The following BMPR1A variants were observed in gnomAD, a reference collection of about 807,000 sequenced individuals.
BMPR1A encodes bone morphogenetic protein receptor type 1A.
In BMPR1A, 7 loss-of-function variants were observed where a neutral mutation model predicts 66.0. The observed-to-expected ratio is 0.11, with a 90% CI of 0.06 to 0.20. The LOEUF is 0.20. Ranked by LOEUF, BMPR1A falls within the 10% of genes least tolerant of loss-of-function variation. BMPR1A has a pLI of 1.00. For missense variants in BMPR1A, 408 were observed against 669.1 expected (o/e 0.61, Z 4.31); for synonymous variants, 200 against 229.7 (o/e 0.87, Z 1.17).
rs1750554356 is a variant in BMPR1A, at chr10:86,926,358, AAAAAT to A, written c.*2644_*2648del. ...AACATGGTGAAACCCCATCTCTACT[AAAAAT>A]AAAAAACTCAGCCAGGCGTGGTGGC... On this transcript the variant is annotated 3_prime_UTR_variant, in exon 13 of 13. Coordinates refer to ENST00000372037, the MANE Select transcript of BMPR1A (RefSeq NM_004329.3). 2 of 153,660 alleles carry A rather than the reference AAAAAT, an allele frequency of 1.3e-5. No individual in the cohort carries two copies. The highest frequency in any genetic ancestry group is 4.8e-5 in the African/African-American group (2 of 41,576). 9.5% of individuals were successfully genotyped at this position (153,660 alleles called of 1,614,324 possible). A position where few individuals can be genotyped will look rare whatever the true frequency, so the allele number is the denominator to read the frequency against.
At chr10:86,806,835 C>A (rs1841894915) in intron 1 of BMPR1A, among the ~76,000 whole-genome samples, 1 of 152,058 alleles carries the variant, frequency 6.6e-6, no homozygotes, top group South Asian at 2.1e-4. Context: ...CAGGCATGAG[C>A]CACTGTACCT....
chr10:86,883,728 C>T (rs1396942833), intron 3 of BMPR1A, among the ~76,000 whole-genome samples: 1 of 151,808 alleles, frequency 6.6e-6, no homozygotes, highest in African/African-American at 2.4e-5. Context: ...GGAGATCGTG[C>T]CATTGTACTC....
rs535411352 is a variant in BMPR1A at position 86,876,051 on chromosome 10, G to A, written c.33G>A (p.Leu11=). Residue 11 remains leucine (L), a synonymous_variant, in exon 3 of 13, where the codon TTG becomes TTA. Transcript: ENST00000372037. ...AGCTATACATTTACATCAGATTATTGGGAGCCTATTTGTTCATCATTTCTC... is the reference window on the plus strand; with the variant it reads ...AGCTATACATTTACATCAGATTATTAGGAGCCTATTTGTTCATCATTTCTC... The part of the protein sequence containing the change: MPQLYIYIRL[L]GAYLFIISRV... 26 of 1,611,838 alleles carry A rather than the reference G, an allele frequency of 1.6e-5. No individual in the cohort carries two copies. The Admixed American group carries it at 3.5e-4, about 22-fold the overall frequency.
intron 1 of BMPR1A, among the ~76,000 whole-genome samples, chr10:86,795,108 C>T (rs1197782242): frequency 1.3e-5 from 2 of 152,030 alleles, no homozygotes; most frequent in East Asian, 3.9e-4. Context: ...GCTTCTGCCT[C>T]CCAAAGTGCT....
chr10:86,869,185 G>A (rs965851963), intron 2 of BMPR1A, among the ~76,000 whole-genome samples: 3 of 152,118 alleles, frequency 2.0e-5, no homozygotes, highest in Admixed American at 2.0e-4. Flanking sequence ...GGCCAGGCAC[G>A]GTGGCTCACA....
At chr10:86,839,086 T>C (rs1842390713) in intron 2 of BMPR1A, 107 bp downstream of exon 2, 1 of 152,208 alleles carries the variant, frequency 6.6e-6, no homozygotes, top group South Asian at 2.1e-4. Context: ...TCAGTTTCTT[T>C]GTAACACCAC....
downstream of BMPR1A, chr10:86,929,665 G>T (rs2133665591): frequency 6.6e-6 from 1 of 152,334 alleles, no homozygotes; most frequent in African/African-American, 2.4e-5. Flanking sequence ...CTCTGATGCA[G>T]CCTGGTAAAG....
chr10:86,784,329 G>C (rs1037083541), intron 1 of BMPR1A, among the ~76,000 whole-genome samples: 6 of 152,086 alleles, frequency 3.9e-5, no homozygotes, highest in African/African-American at 1.4e-4. Context: ...AATTTTGTCA[G>C]ATGCTTTTTC....
chr10:86,860,079 C>T (rs745330925), intron 2 of BMPR1A, among the ~76,000 whole-genome samples: 41 of 152,184 alleles, frequency 2.7e-4, no homozygotes, highest in Non-Finnish European at 4.3e-4. Flanking sequence ...GAGGCCGAAG[C>T]AGTGCAATCT....
intron 3 of BMPR1A, among the ~76,000 whole-genome samples, chr10:86,885,731 T>C (rs1000712270): frequency 1.3e-5 from 2 of 152,334 alleles, no homozygotes; most frequent in South Asian, 2.1e-4. Context: ...TTATCTCATA[T>C]GTATAGTGCA....
chr10:86,912,411 A>G, intron 8 of BMPR1A, 27 bp downstream of exon 8: 2 of 1,613,246 alleles, frequency 1.2e-6, no homozygotes, highest in Non-Finnish European at 8.5e-7. Context: ...TATAGACATG[A>G]ATGGTGTGTT....
downstream of BMPR1A, chr10:86,929,561 A>C (rs1266616130): frequency 6.6e-6 from 1 of 152,210 alleles, no homozygotes; most frequent in Non-Finnish European, 1.5e-5. Context: ...ATTGTTCCTC[A>C]AAAGAAATGC....
chr10:86,772,387 C>T (rs1841279232), intron 1 of BMPR1A, among the ~76,000 whole-genome samples: 1 of 152,136 alleles, frequency 6.6e-6, no homozygotes, highest in African/African-American at 2.4e-5. Context: ...ACCTTGGTCT[C>T]CCAAAGTGCT....
intron 7 of BMPR1A, among the ~76,000 whole-genome samples, chr10:86,906,595 G>A (rs1198481025): frequency 1.2e-5 from 1 of 83,422 alleles, no homozygotes; most frequent in Non-Finnish European, 2.0e-5. Flanking sequence ...GTGGTGGCGG[G>A]CGCCTGTAGT....
intron 1 of BMPR1A, among the ~76,000 whole-genome samples, chr10:86,803,450 T>C (rs1032172463): frequency 2.0e-5 from 3 of 152,156 alleles, no homozygotes; most frequent in African/African-American, 7.2e-5. Context: ...ACTTAGACAT[T>C]TTTTTCCCCA....
At chr10:86,862,372 G>A (rs1309364321) in intron 2 of BMPR1A, among the ~76,000 whole-genome samples, 3 of 152,168 alleles carry the variant, frequency 2.0e-5, no homozygotes, top group Non-Finnish European at 2.9e-5. Flanking sequence ...GACTGTGAGC[G>A]GCAGGTGCAA....
At chr10:86,810,848 A>G (rs575236664) in intron 1 of BMPR1A, among the ~76,000 whole-genome samples, 4 of 152,114 alleles carry the variant, frequency 2.6e-5, no homozygotes, top group African/African-American at 9.6e-5. Context: ...TACCATTCCC[A>G]TTCCTTGAGT....
intron 1 of BMPR1A, among the ~76,000 whole-genome samples, chr10:86,768,460 T>C (rs1841202271): frequency 6.6e-6 from 1 of 152,228 alleles, no homozygotes; most frequent in Non-Finnish European, 1.5e-5. Flanking sequence ...CACAGGCCTT[T>C]GTTCTTAAAA....
Position 86,926,542 on chromosome 10 carries a change from C to T in BMPR1A, c.*2823C>T. The T allele has an allele frequency of 5.7e-6, 1 of 174,678 alleles. No individual in the cohort carries two copies. Among genetic ancestry groups the T allele is most frequent in the Non-Finnish European group, 1.2e-5 (1 of 80,862 alleles). 10.8% of individuals were successfully genotyped at this position (174,678 alleles called of 1,614,324 possible). ...CTCAAATAAACAAACAAATAAATAACAAAAAACAAAAATGTTGCATTAAAC... is the reference window on the plus strand; with the variant it reads ...CTCAAATAAACAAACAAATAAATAATAAAAAACAAAAATGTTGCATTAAAC... On this transcript the variant is annotated 3_prime_UTR_variant, in exon 13 of 13. Coordinates refer to ENST00000372037, the MANE Select transcript of BMPR1A (RefSeq NM_004329.3).
Sources: allele counts gnomAD v4.1 joint callset (sites outside exome capture counted in the v4.1 genomes callset), GRCh38; gene constraint gnomAD v4.1.1; transcripts MANE v1.5; gene names NCBI Gene and HGNC (gene_info 2026-07-23, HGNC 2026-07-21).